AGRN: variants seen among roughly 807,000 people sequenced by gnomAD.
AGRN encodes agrin proteoglycan.
AGRN carries 106 observed loss-of-function variants against 211.0 expected under a neutral mutation model. That is an observed-to-expected ratio of 0.50 (90% CI 0.43 to 0.59). AGRN has a LOEUF of 0.59. Among genes scored for constraint, AGRN ranks in the 20% least tolerant of loss-of-function variants. AGRN has a pLI of 0.00. For missense variants in AGRN, 3,040 were observed against 2,982.6 expected (o/e 1.02, Z -0.45); for synonymous variants, 1,525 against 1,332.5 (o/e 1.14, Z -3.15).
intron 2 of AGRN, among the ~76,000 whole-genome samples, chr1:1,024,180 C>T (rs1339196286): frequency 6.6e-6 from 1 of 152,044 alleles, no homozygotes; most frequent in Non-Finnish European, 1.5e-5. Context: ...TCTCGGGTGG[C>T]TGGGGTCCCT....
At chr1:1,049,082 CG>C in intron 24 of AGRN, 23 bp downstream of exon 24, 1 of 973,186 alleles carries the variant, frequency 1.0e-6, no homozygotes. Flanking sequence ...GGGACGGGGC[CG>C]GGGCAGCTCA....
intron 2 of AGRN, among the ~76,000 whole-genome samples, chr1:1,033,551 A>C: frequency 1.4e-5 from 2 of 144,602 alleles, no homozygotes; most frequent in Admixed American, 1.4e-4. Flanking sequence ...GCCCGGCGCG[A>C]CCCCTGCTCC....
At chr1:1,026,703 C>A (rs139374940) in intron 2 of AGRN, among the ~76,000 whole-genome samples, 1 of 152,188 alleles carries the variant, frequency 6.6e-6, no homozygotes, top group Admixed American at 6.5e-5. Context: ...CGAAGCCCAG[C>A]GGGGCTGGGG....
chr1:1,044,695 A>C (rs1435928292), intron 12 of AGRN, among the ~76,000 whole-genome samples: 3 of 152,106 alleles, frequency 2.0e-5, no homozygotes, highest in African/African-American at 7.2e-5. Flanking sequence ...GCGGGGCCCC[A>C]CCGTGTGGGC....
chr1:1,035,836 A>T (rs1215977347), intron 3 of AGRN, among the ~76,000 whole-genome samples: 3 of 145,742 alleles, frequency 2.1e-5, no homozygotes, highest in Non-Finnish European at 4.5e-5. Flanking sequence ...GCAGGCTGTC[A>T]TGGGGGGACA....
chr1:1,050,687 T>C (rs770149932), intron 29 of AGRN, 39 bp from the exon 30 acceptor site: 2 of 1,602,124 alleles, frequency 1.2e-6, no homozygotes, highest in South Asian at 2.2e-5. Context: ...GCGTGGCCGG[T>C]GGTGGACAGA....
rs750743736 is a variant in AGRN, at chr1:1,049,837, C to T, written c.4744+42C>T. On this transcript the variant is annotated intron_variant, in intron 26 of 35. Coordinates refer to ENST00000379370, the MANE Select transcript of AGRN (RefSeq NM_198576.4). Reference sequence around the variant, plus strand: ...GGCGGGTGGGAGTGGGACCCCGGGGCCTGTGGGCGGTACCCAACCGACGCC... The same window carrying T: ...GGCGGGTGGGAGTGGGACCCCGGGGTCTGTGGGCGGTACCCAACCGACGCC... 18 of 1,610,488 alleles carry T rather than the reference C, an allele frequency of 1.1e-5. No individual in the cohort carries two copies. The South Asian group carries it at 1.9e-4, about 17-fold the overall frequency.
At chr1:1,050,190 G>A (rs1235453971) in intron 27 of AGRN, 43 bp from the exon 28 acceptor site, 1 of 1,608,904 alleles carries the variant, frequency 6.2e-7, no homozygotes, top group African/African-American at 1.3e-5. Flanking sequence ...GGTGCAGGAG[G>A]CCCCGGGGGT....
chr1:1,034,013 G>A, intron 2 of AGRN: 2 of 623,060 alleles, frequency 3.2e-6, no homozygotes, highest in Non-Finnish European at 4.0e-6. Context: ...CCAGCCCCGC[G>A]GGGACGAGGG....
chr1:1,039,474 CT>C (rs1235436823), intron 3 of AGRN, among the ~76,000 whole-genome samples: 1 of 152,026 alleles, frequency 6.6e-6, no homozygotes, highest in Non-Finnish European at 1.5e-5. Context: ...GTAGCCACCC[CT>C]CTGACATGAC....
chr1:1,052,033 G>T, intron 33 of AGRN: 2 of 1,513,030 alleles, frequency 1.3e-6, no homozygotes, highest in Non-Finnish European at 1.8e-6. Context: ...AGAGCTCGGC[G>T]CCCCCCGCTC....
rs780257785 is a variant in AGRN, at chr1:1,046,068, C to T, written c.2785C>T (p.Pro929Ser). The T allele has an allele frequency of 1.9e-6, 3 of 1,614,034 alleles. No homozygotes were observed. Among genetic ancestry groups the T allele is most frequent in the South Asian group, 2.2e-5 (2 of 91,088 alleles). Residue 929 changes from proline to serine, a missense_variant, in exon 16 of 36, where the codon CCA becomes TCA. Around this residue, in one of 3 missense-constraint regions of AGRN, gnomAD observed 1,498 missense variants for 1,457.8 expected, o/e 1.03. Coordinates refer to ENST00000379370, the MANE Select transcript of AGRN (RefSeq NM_198576.4). ...CTGTGTCTGCCCGATGCTCACCTGT[C>T]CAGAGGCCAACGCTACCAAGGTGAG... ...AHCVCPMLTC[P>S]EANATKVCGS...
intron 3 of AGRN, among the ~76,000 whole-genome samples, 169 bp from the exon 4 acceptor site, chr1:1,040,496 A>G (rs984162094): frequency 2.0e-5 from 3 of 152,030 alleles, no homozygotes; most frequent in African/African-American, 7.2e-5. Context: ...TGCGAGGGGC[A>G]GGGCCGGTCC....
At position 1,041,284 on chromosome 1, in the gene AGRN, C is replaced by T. The variant is rs1030834348; in HGVS notation, c.839C>T (p.Pro280Leu). 1.3e-6 allele frequency: 2 copies of T among 1,513,656 alleles called. No individual in the cohort carries two copies. The highest frequency in any genetic ancestry group is 2.0e-5 in the Admixed American group (1 of 48,998). 93.8% of individuals were successfully genotyped at this position (1,513,656 alleles called of 1,614,324 possible). The change falls in exon 5 of 36, where the codon CCC (proline) becomes CTC (leucine). Residue 280 changes from proline to leucine, a missense_variant. Physicochemically the swap from Pro to Leu is moderately conservative, Grantham distance 98 (BLOSUM62 -3). Around this residue, in one of 3 missense-constraint regions of AGRN, gnomAD observed 1,498 missense variants for 1,457.8 expected, o/e 1.03. Transcript: ENST00000379370. ...CLCPATCRGAPEGTVCGSDGA... is the reference protein window; with the variant it reads ...CLCPATCRGALEGTVCGSDGA... ...TGCCCCGCGACCTGCCGTGGCGCCC[C>T]CGAGGGGACCGTCTGCGGCAGCGAC...
Position 1,054,990 on chromosome 1 carries a change from C to A in AGRN, c.*9C>A. On this transcript the variant is annotated 3_prime_UTR_variant, in exon 36 of 36. Transcript: ENST00000379370. The stretch of plus-strand genomic sequence containing the variant: ...CCTGCCCCACCCCATGAGCTGGCAC[C>A]AGAGCCCCGCGCCCGCTGTAATTAT... The A allele has an allele frequency of 6.5e-7, 1 of 1,548,254 alleles. No homozygotes were observed. Among genetic ancestry groups the A allele is most frequent in the Non-Finnish European group, 8.7e-7 (1 of 1,146,874 alleles).
intron 31 of AGRN, 36 bp downstream of exon 31, chr1:1,051,405 G>T: frequency 6.5e-7 from 1 of 1,544,182 alleles, no homozygotes; most frequent in South Asian, 1.2e-5. Context: ...AGGGCCTCCG[G>T]GGCGGGCGGG....
chr1:1,053,632 C>T, intron 33 of AGRN, 121 bp from the exon 34 acceptor site: 1 of 1,486,634 alleles, frequency 6.7e-7, no homozygotes. Context: ...GCCCACCAGC[C>T]ACCCCTGGGT....
Position 1,048,414 on chromosome 1 carries a change from CAAGGATTGGGGGTGGGG to C in AGRN, c.4105+50_4105+66del. 1 of 855,922 alleles carries C rather than the reference CAAGGATTGGGGGTGGGG, an allele frequency of 1.2e-6. No individual in the cohort carries two copies. The highest frequency in any genetic ancestry group is 1.8e-6 in the Non-Finnish European group (1 of 567,780). 53.0% of individuals were successfully genotyped at this position (855,922 alleles called of 1,614,324 possible). A position where few individuals can be genotyped will look rare whatever the true frequency, so the allele number is the denominator to read the frequency against. ...GGGCGGGGAGGCAGCAGGGTGGGGGCAAGGATTGGGGGTGGGGCTAAGCCACCATCAGGCTTTGAGTT... is the reference window on the plus strand; with the variant it reads ...GGGCGGGGAGGCAGCAGGGTGGGGGCCTAAGCCACCATCAGGCTTTGAGTT... On this transcript the variant is annotated intron_variant, in intron 23 of 35. Coordinates refer to ENST00000379370, the MANE Select transcript of AGRN (RefSeq NM_198576.4). This position sits in a 1 kb window ranked among gnomAD's most constrained non-coding sequence, Gnocchi z 5.9.
intron 1 of AGRN, among the ~76,000 whole-genome samples, chr1:1,020,697 C>T (rs116130865): frequency 0.29 from 44,587 of 151,846 alleles, 6,745 homozygotes; most frequent in Non-Finnish European, 0.32. Flanking sequence ...GGCCTTTGCC[C>T]GGGCGGGGAG....
Sources: gnomAD v4.1 joint callset for allele counts (sites outside exome capture counted in the v4.1 genomes callset) on GRCh38, gnomAD v4.1.1 for gene constraint, gnomAD v4.1.1 regional missense constraint, Gnocchi (gnomAD v3.1) non-coding constraint, MANE v1.5 for transcripts, NCBI Gene and HGNC (gene_info 2026-07-23, HGNC 2026-07-21) for gene names.